Variants in SRSF3 observed in about 807,000 individuals in gnomAD.
SRSF3 encodes the protein serine and arginine rich splicing factor 3.
For missense variants in SRSF3, 58 were observed against 217.1 expected (o/e 0.27, Z 4.61); for synonymous variants, 87 against 73.6 (o/e 1.18, Z -0.93).
rs1267372828 is a variant in SRSF3 at position 36,603,484 on chromosome 6, G to A, written c.*1495G>A. ...TCTTAAGATAGTTTTGGATTATGCGGTATTGACTGTCTTAAATATGAAAGA... is the reference window on the plus strand; with the variant it reads ...TCTTAAGATAGTTTTGGATTATGCGATATTGACTGTCTTAAATATGAAAGA... On this transcript the variant is annotated 3_prime_UTR_variant, in exon 6 of 6. Coordinates refer to ENST00000373715, the MANE Select transcript of SRSF3 (RefSeq NM_003017.5). 2 of 223,956 alleles carry A rather than the reference G, an allele frequency of 8.9e-6. No individual in the cohort carries two copies. Among genetic ancestry groups the A allele is most frequent in the African/African-American group, 2.2e-5 (1 of 44,830 alleles). The allele number at this position is 223,956 out of a possible 1,614,324, so 13.9% of individuals were successfully genotyped here.
At chr6:36,597,014 C>T (rs767407088) in intron 2 of SRSF3, 46 bp downstream of exon 2, 19 of 1,548,274 alleles carry the variant, frequency 1.2e-5, no homozygotes, top group Non-Finnish European at 1.5e-5. Context: ...TTGTGTTTTT[C>T]ATATTTAAAA....
chr6:36,597,609 C>A (rs1232159816), intron 2 of SRSF3, among the ~76,000 whole-genome samples: 1 of 152,010 alleles, frequency 6.6e-6, no homozygotes, highest in African/African-American at 2.4e-5. Flanking sequence ...ATGCCCCCAC[C>A]CCCCTTTCCT....
In SRSF3 at chr6:36,604,713, A is replaced by C. The variant is rs529185283; in HGVS notation, c.*2724A>C. ...GTTATTACTACATTCATTTTAGTAC[A>C]GTGCTGCCTAATTAGAAATTTTGTT... On this transcript the variant is annotated 3_prime_UTR_variant, in exon 6 of 6. Transcript: ENST00000373715. 6.5e-6 allele frequency: 1 copy of C among 154,168 alleles called. No individual in the cohort carries two copies. The allele number at this position is 154,168 out of a possible 1,614,324, so 9.6% of individuals were successfully genotyped here. A position where few individuals can be genotyped will look rare whatever the true frequency, so the allele number is the denominator to read the frequency against.
chr6:36,595,146 G>T (rs1403191504), intron 1 of SRSF3, among the ~76,000 whole-genome samples: 2 of 152,182 alleles, frequency 1.3e-5, no homozygotes, highest in African/African-American at 4.8e-5. Flanking sequence ...CAAGCCCAGA[G>T]TAAGAAGAAC....
At chr6:36,601,936 T>C in intron 5 of SRSF3, 26 bp from the exon 6 acceptor site, 1 of 1,569,612 alleles carries the variant, frequency 6.4e-7, no homozygotes, top group Non-Finnish European at 8.6e-7. Flanking sequence ...TAATGTTTTG[T>C]TTTCTTTTTT....
At chr6:36,599,042 G>A (rs1299728746) in intron 3 of SRSF3, 59 bp downstream of exon 3, 2 of 1,572,744 alleles carry the variant, frequency 1.3e-6, no homozygotes, top group African/African-American at 1.4e-5. Context: ...AGTAGGAGCA[G>A]GTATTTCTCT....
intron 2 of SRSF3, chr6:36,597,229 C>A (rs571965418): frequency 4.0e-6 from 2 of 500,950 alleles, no homozygotes; most frequent in African/African-American, 3.9e-5. Flanking sequence ...CCTCAGCCTT[C>A]TGAGTAACTG....
chr6:36,605,152 A>G lies in SRSF3; in HGVS notation c.*3163A>G, dbSNP rs1260389458. 1 of 152,192 alleles carries G rather than the reference A, an allele frequency of 6.6e-6. No homozygotes were observed. The highest frequency in any genetic ancestry group is 2.4e-5 in the African/African-American group (1 of 41,448). The allele number at this position is 152,192 out of a possible 1,614,324, so 9.4% of individuals were successfully genotyped here. A position where few individuals can be genotyped will look rare whatever the true frequency, so the allele number is the denominator to read the frequency against. On this transcript the variant is annotated 3_prime_UTR_variant, in exon 6 of 6. Coordinates refer to ENST00000373715, the MANE Select transcript of SRSF3 (RefSeq NM_003017.5). ...AGGGGGATTCATCGGGTACCTGAAGATAATTCAGCTGTAGACCCCTTAAGG... is the reference window on the plus strand; with the variant it reads ...AGGGGGATTCATCGGGTACCTGAAGGTAATTCAGCTGTAGACCCCTTAAGG...
intron 2 of SRSF3, 147 bp from the exon 3 acceptor site, chr6:36,598,702 A>G (rs1360223295): frequency 4.1e-6 from 4 of 982,694 alleles, no homozygotes; most frequent in South Asian, 1.7e-5. Flanking sequence ...TTATATTAGT[A>G]AAAATAAGGG....
At chr6:36,595,131 T>C (rs1778604954) in intron 1 of SRSF3, among the ~76,000 whole-genome samples, 1 of 152,188 alleles carries the variant, frequency 6.6e-6, no homozygotes, top group East Asian at 1.9e-4. Context: ...GATATTTTAA[T>C]TAGACAAGCC....
rs778276944 is a variant in SRSF3 at position 36,601,940 on chromosome 6, CTTTTTTTTTT to C, written c.468-12_468-3del. ...AGTTACAGATGTAATGTTTTGTTTTCTTTTTTTTTTTTTTTTTTTAGTCGATCTAGGTCAA... is the reference window on the plus strand; with the variant it reads ...AGTTACAGATGTAATGTTTTGTTTTCTTTTTTTTTAGTCGATCTAGGTCAA... On this transcript the variant is annotated splice_polypyrimidine_tract_variant and intron_variant, in intron 5 of 5. Transcript: ENST00000373715. 2 of 1,433,158 alleles carry C rather than the reference CTTTTTTTTTT, an allele frequency of 1.4e-6. No individual in the cohort carries two copies. The highest frequency in any genetic ancestry group is 1.7e-5 in the African/African-American group (1 of 59,462). The allele number at this position is 1,433,158 out of a possible 1,614,324, so 88.8% of individuals were successfully genotyped here.
In SRSF3 at chr6:36,604,939, G is replaced by A. The variant is rs1778786539; in HGVS notation, c.*2950G>A. On this transcript the variant is annotated 3_prime_UTR_variant, in exon 6 of 6. Transcript: ENST00000373715. The stretch of plus-strand genomic sequence containing the variant: ...GATTTAGTTGTCATACCTAGTTGGT[G>A]GTAATTTCTTAGTTGTATATTTTTG... 1 of 152,048 alleles carries A rather than the reference G, an allele frequency of 6.6e-6. No individual in the cohort carries two copies. The highest frequency in any genetic ancestry group is 1.5e-5 in the Non-Finnish European group (1 of 68,002). 9.4% of individuals were successfully genotyped at this position (152,048 alleles called of 1,614,324 possible).
At chr6:36,601,624 A>AT in intron 4 of SRSF3, 84 bp from the exon 5 acceptor site, 1 of 1,285,986 alleles carries the variant, frequency 7.8e-7, no homozygotes. Flanking sequence ...AATTATTGGC[A>AT]TGAGTCACCA....
chr6:36,595,809 G>C (rs1778617664), intron 1 of SRSF3, among the ~76,000 whole-genome samples: 1 of 152,138 alleles, frequency 6.6e-6, no homozygotes, highest in South Asian at 2.1e-4. Flanking sequence ...TGTAAAGTTG[G>C]TCTCGTTGCT....
chr6:36,602,658 A>G lies in SRSF3; in HGVS notation c.*669A>G, dbSNP rs1180993365. 4.6e-6 allele frequency: 1 copy of G among 215,496 alleles called. No homozygotes were observed. The highest frequency in any genetic ancestry group is 9.4e-6 in the Non-Finnish European group (1 of 106,648). 13.3% of individuals were successfully genotyped at this position (215,496 alleles called of 1,614,324 possible). ...TTTGTGATTTCAAAAATGTCCTGCC[A>G]GTTTAAGGGTACATTGTAGAGCCGA... On this transcript the variant is annotated 3_prime_UTR_variant, in exon 6 of 6. Coordinates refer to ENST00000373715, the MANE Select transcript of SRSF3 (RefSeq NM_003017.5).
In SRSF3 at chr6:36,596,682, A is replaced by T; in HGVS notation, c.-2-79A>T. ...ACCTTAAACTCTCTTGTCCTCTCTA[A>T]TGGAGTTCTTTCTAAGGATCTGTGG... On this transcript the variant is annotated intron_variant, in intron 1 of 5. Coordinates refer to ENST00000373715, the MANE Select transcript of SRSF3 (RefSeq NM_003017.5). The T allele has an allele frequency of 3.8e-6, 5 of 1,306,922 alleles. No individual in the cohort carries two copies. In the South Asian group the frequency reaches 5.9e-5, roughly 15 times the overall value. 81.0% of individuals were successfully genotyped at this position (1,306,922 alleles called of 1,614,324 possible).
Position 36,601,762 on chromosome 6 carries a change from C to T in SRSF3, c.435C>T (p.His145=). Residue 145 remains histidine, a synonymous_variant, in exon 5 of 6, where the codon CAC becomes CAT. Coordinates refer to ENST00000373715, the MANE Select transcript of SRSF3 (RefSeq NM_003017.5). ...RERSLSRERN[H]KPSRSFSRSR... ...GATCGCTGTCTCGGGAGAGAAATCA[C>T]AAGCCGTCCCGATCCTTCTCTAGGT... 6.2e-7 allele frequency: 1 copy of T among 1,610,720 alleles called. No homozygotes were observed. The highest frequency in any genetic ancestry group is 8.5e-7 in the Non-Finnish European group (1 of 1,177,344).
chr6:36,597,117 TTGG>T, intron 2 of SRSF3, 149 bp downstream of exon 2: 1 of 688,672 alleles, frequency 1.5e-6, no homozygotes, highest in Non-Finnish European at 2.4e-6. Context: ...TTTTTTTTTT[TTGG>T]TGGGGAGACG....
Position 36,603,362 on chromosome 6 carries a change from C to A in SRSF3, c.*1373C>A. The A allele has an allele frequency of 4.5e-6, 1 of 224,642 alleles. No homozygotes were observed. The highest frequency in any genetic ancestry group is 8.9e-6 in the Non-Finnish European group (1 of 112,424). 13.9% of individuals were successfully genotyped at this position (224,642 alleles called of 1,614,324 possible). ...TGAATATGGAGGCATGCATAACCTT[C>A]CTCTTAGAAAATGGCAGGTGTTGTA... is the stretch of plus-strand genomic sequence containing the variant. On this transcript the variant is annotated 3_prime_UTR_variant, in exon 6 of 6. Transcript: ENST00000373715.
Sources: gnomAD v4.1 joint callset for allele counts (sites outside exome capture counted in the v4.1 genomes callset) on GRCh38, gnomAD v4.1.1 for gene constraint, MANE v1.5 for transcripts, NCBI Gene and HGNC (gene_info 2026-07-23, HGNC 2026-07-21) for gene names.